The following FREM3 variants were observed in gnomAD, a reference collection of about 807,000 sequenced individuals.
FREM3 encodes the protein FRAS1 related extracellular matrix 3, also known as FRAS1-related extracellular matrix protein 3.
Under a neutral mutation model 129.1 loss-of-function variants are expected in FREM3, and 105 were observed. The observed-to-expected ratio is 0.81, with a 90% confidence interval of 0.69 to 0.96. The LOEUF (loss-of-function observed/expected upper bound fraction) is 0.96. FREM3 is among the 40% of genes least tolerant of loss of function. The pLI is 0.00. For missense variants in FREM3, 2,593 were observed against 2,666.3 expected, an observed-to-expected ratio of 0.97 and a Z score of 0.61; for synonymous variants, 1,014 against 1,044.9, an observed-to-expected ratio of 0.97 and a Z score of 0.57.
chr4:143,592,496 G>A (rs1161791379), intron 6 of FREM3, among the ~76,000 whole-genome samples: 1 of 152,080 alleles, frequency 6.6e-6, no homozygotes, highest in Non-Finnish European at 1.5e-5. Flanking sequence ...TCCTTTGCTT[G>A]TGAAGCTTAG....
chr4:143,667,126 C>T lies in FREM3; in HGVS notation c.5275+25987G>A, dbSNP rs1739877097. Among the ~76,000 whole-genome samples the T allele has an allele frequency of 2.6e-5, 4 of 152,120 alleles. No individual in the cohort carries two copies. The South Asian group carries it at 8.3e-4, about 32-fold the overall frequency. On this transcript the variant is annotated intron_variant, in intron 2 of 7. Coordinates refer to ENST00000329798, the MANE Select transcript of FREM3 (RefSeq NM_001168235.2). ...GATATTTCTAATAGTTGCGAAGTCA[C>T]AAGTAATGCTAGTAGTATTTTTGTT...
In FREM3 at chr4:143,699,746, C is replaced by A. The variant is rs775901058; in HGVS notation, c.930G>T (p.Met310Ile). Residue 310 changes from methionine to isoleucine, a missense_variant, in exon 1 of 8, where the codon ATG becomes ATT. By Grantham distance (10) the Met-to-Ile change is conservative. This residue lies in a region of FREM3 where 2,276 missense variants were observed against 2,267.2 expected (regional missense o/e 1.00). Coordinates refer to ENST00000329798, the MANE Select transcript of FREM3 (RefSeq NM_001168235.2). This position sits in a 1 kb window ranked among gnomAD's most constrained non-coding sequence, Gnocchi z 4.2. ...GATCCACCTCCATCATCATCGTGGC[C>A]ATGAAGCTGGGCCTGGGCGGTGTGT... Reference protein sequence around the residue: ...AENTPPRPSFMATMMMEVDPL... With the variant: ...AENTPPRPSFIATMMMEVDPL... 6.6e-6 allele frequency: 10 copies of A among 1,519,660 alleles called. No individual in the cohort carries two copies. The African/African-American group carries it at 1.4e-4, about 21-fold the overall frequency. The allele number at this position is 1,519,660 out of a possible 1,614,324, so 94.1% of individuals were successfully genotyped here.
chr4:143,681,722 G>C (rs907686268), intron 2 of FREM3, among the ~76,000 whole-genome samples: 4 of 152,152 alleles, frequency 2.6e-5, no homozygotes, highest in Non-Finnish European at 5.9e-5. Flanking sequence ...GACTATGTGA[G>C]AGGAAAGAAG....
intron 5 of FREM3, among the ~76,000 whole-genome samples, chr4:143,617,939 G>C (rs1056650014): frequency 1.3e-5 from 2 of 152,174 alleles, no homozygotes; most frequent in African/African-American, 4.8e-5. Context: ...GGCTTCTTCT[G>C]GTATTAGTGA....
At chr4:143,626,829 A>G (rs1038732097) in intron 3 of FREM3, among the ~76,000 whole-genome samples, 8 of 152,090 alleles carry the variant, frequency 5.3e-5, no homozygotes, top group African/African-American at 1.9e-4. Flanking sequence ...CTTCTCTCCA[A>G]CAGTTTTGAT....
chr4:143,662,925 C>G (rs1269979877), intron 2 of FREM3, among the ~76,000 whole-genome samples: 1 of 151,496 alleles, frequency 6.6e-6, no homozygotes, highest in Admixed American at 6.6e-5. Flanking sequence ...TTTTTGTTTT[C>G]CATTTGCTTG....
rs551705199 is a variant in FREM3, at chr4:143,673,355, C to T, written c.5275+19758G>A. Reference sequence around the variant, plus strand: ...GGTCTGTTGGAGTTTGCTGGAGGTCCGCTCCAGACCCTGATTGCCTGGGTA... The same window carrying T: ...GGTCTGTTGGAGTTTGCTGGAGGTCTGCTCCAGACCCTGATTGCCTGGGTA... On this transcript the variant is annotated intron_variant, in intron 2 of 7. Transcript: ENST00000329798. Among the ~76,000 whole-genome samples, 20 of 152,286 alleles carry T rather than the reference C, an allele frequency of 1.3e-4. 1 individual carries two copies. The Middle Eastern group carries it at 0.01, about 78-fold the overall frequency.
intron 2 of FREM3, among the ~76,000 whole-genome samples, chr4:143,640,072 G>A (rs1242043044): frequency 3.3e-5 from 5 of 152,132 alleles, no homozygotes; most frequent in Non-Finnish European, 7.3e-5. Flanking sequence ...ATCCTTGAAG[G>A]CCCTGTTTGA....
At chr4:143,672,842 TG>T (rs750094427) in intron 2 of FREM3, among the ~76,000 whole-genome samples, 2 of 152,238 alleles carry the variant, frequency 1.3e-5, no homozygotes, top group Non-Finnish European at 2.9e-5. Flanking sequence ...TTCGTTCATT[TG>T]ATCTTCAATC....
chr4:143,684,198 C>T (rs1740312576), intron 2 of FREM3, among the ~76,000 whole-genome samples: 1 of 152,132 alleles, frequency 6.6e-6, no homozygotes, highest in South Asian at 2.1e-4. Context: ...AGGAGATCAA[C>T]CAGCACAAAA....
chr4:143,691,047 G>T (rs891425789), intron 2 of FREM3, among the ~76,000 whole-genome samples: 2 of 152,054 alleles, frequency 1.3e-5, no homozygotes, highest in South Asian at 4.1e-4. Flanking sequence ...TTAAAGAAAT[G>T]ATTTTTTAAA....
intron 6 of FREM3, among the ~76,000 whole-genome samples, chr4:143,594,213 A>G (rs548439729): frequency 6.6e-6 from 1 of 152,248 alleles, no homozygotes; most frequent in South Asian, 2.1e-4. Context: ...CATCTCACAC[A>G]CGGTGCACTG....
rs1480583781 is a variant in FREM3 at position 143,693,735 on chromosome 4, A to G, written c.5186-533T>C. Among the ~76,000 whole-genome samples, 3 of 152,206 alleles carry G rather than the reference A, an allele frequency of 2.0e-5. No homozygotes were observed. The South Asian group carries it at 6.2e-4, about 32-fold the overall frequency. On this transcript the variant is annotated intron_variant, in intron 1 of 7. Coordinates refer to ENST00000329798, the MANE Select transcript of FREM3 (RefSeq NM_001168235.2). The stretch of plus-strand genomic sequence containing the variant: ...ATGACATCTTGGATAAAGAAAATAT[A>G]TTACATATATACCATGGAATCCTAT...
chr4:143,623,502 C>CG (rs1738990835), intron 4 of FREM3, among the ~76,000 whole-genome samples: 1 of 137,054 alleles, frequency 7.3e-6, no homozygotes, highest in South Asian at 2.9e-4. Flanking sequence ...ATCCCCCCCC[C>CG]CCCCCACCAT....
At chr4:143,662,233 C>A (rs1029207819) in intron 2 of FREM3, among the ~76,000 whole-genome samples, 2 of 152,084 alleles carry the variant, frequency 1.3e-5, no homozygotes, top group Admixed American at 6.6e-5. Context: ...TTTAGTGCTA[C>A]AAATTTCCCT....
intron 2 of FREM3, among the ~76,000 whole-genome samples, chr4:143,664,433 C>G (rs185787233): frequency 1.3e-5 from 2 of 152,080 alleles, no homozygotes; most frequent in Non-Finnish European, 2.9e-5. Context: ...GCTGTCTGAT[C>G]GTTCCTCTGG....
In FREM3 at chr4:143,697,434, T is replaced by C; in HGVS notation, c.3242A>G (p.Tyr1081Cys). The C allele has an allele frequency of 6.5e-7, 1 of 1,537,246 alleles. No homozygotes were observed. Among genetic ancestry groups the C allele is most frequent in the Non-Finnish European group, 8.7e-7 (1 of 1,146,888 alleles). ...GGTCAAGGAGTTCTTCTCACCTTCA[T>C]AGACAATGAAGGACTCCCCGACGAA... ...KVFVGESFIV[Y>C]EGEKNSLTLQ... The change falls in exon 1 of 8, where the codon TAT (tyrosine) becomes TGT (cysteine). Residue 1081 changes from tyrosine (Y) to cysteine (C), a missense_variant. This residue lies in a region of FREM3 where 2,276 missense variants were observed against 2,267.2 expected (regional missense o/e 1.00). Coordinates refer to ENST00000329798, the MANE Select transcript of FREM3 (RefSeq NM_001168235.2).
At chr4:143,657,301 A>G (rs1361504150) in intron 2 of FREM3, among the ~76,000 whole-genome samples, 1 of 152,216 alleles carries the variant, frequency 6.6e-6, no homozygotes, top group East Asian at 1.9e-4. Flanking sequence ...GTGACTGAAA[A>G]GTTTTCTTAA....
chr4:143,642,627 A>G (rs1343117095), intron 2 of FREM3, among the ~76,000 whole-genome samples: 1 of 152,200 alleles, frequency 6.6e-6, no homozygotes, highest in Non-Finnish European at 1.5e-5. Context: ...TCATGTACAA[A>G]AATCAACTCA....
Sources: gnomAD v4.1 joint callset for allele counts (sites outside exome capture counted in the v4.1 genomes callset) on GRCh38, gnomAD v4.1.1 for gene constraint, gnomAD v4.1.1 regional missense constraint, Gnocchi (gnomAD v3.1) non-coding constraint, MANE v1.5 for transcripts, NCBI Gene and HGNC (gene_info 2026-07-23, HGNC 2026-07-21) for gene names.